Variants in GPC6 observed in about 807,000 individuals in gnomAD.
GPC6 encodes glypican 6, also known as glypican-6.
In GPC6, 14 loss-of-function variants were observed where a neutral mutation model predicts 55.2. The observed-to-expected ratio is 0.25, with a 90% CI of 0.17 to 0.40. The LOEUF is 0.40. GPC6 is among the 10% of genes least tolerant of loss of function. The pLI is 1.00. For synonymous variants in GPC6, 278 were observed against 259.6 expected (o/e 1.07, Z -0.68); for missense variants, 641 against 708.5 (o/e 0.90, Z 1.08).
At chr13:93,918,172 A>G (rs2140342308) in intron 3 of GPC6, among the ~76,000 whole-genome samples, 1 of 152,146 alleles carries the variant, frequency 6.6e-6, no homozygotes, top group African/African-American at 2.4e-5. Context: ...CTGATAGGCC[A>G]TCATAAGTTC....
At chr13:93,633,635 CAAATAAAT>C (rs10656000) in intron 2 of GPC6, among the ~76,000 whole-genome samples, 6,559 of 147,062 alleles carry the variant, frequency 0.045, 484 homozygotes, top group African/African-American at 0.15. Context: ...GACTCTGTCT[CAAATAAAT>C]AAATAAATAA....
rs115503997 is a variant in GPC6 at position 93,239,624 on chromosome 13, C to T, written c.160+12008C>T. 6.1e-3 allele frequency among the ~76,000 whole-genome samples: 913 copies of T among 149,972 alleles called. 17 individuals carry two copies. The highest frequency in any genetic ancestry group is 0.021 in the African/African-American group (863 of 40,944). On this transcript the variant is annotated intron_variant, in intron 1 of 8. Transcript: ENST00000377047. Reference sequence around the variant, plus strand: ...GATCTTTGTATTTTTTTTTCAGTTTCGGTTTTGTTTAGTTCTGGTCTGATA... The same window carrying T: ...GATCTTTGTATTTTTTTTTCAGTTTTGGTTTTGTTTAGTTCTGGTCTGATA...
intron 1 of GPC6, among the ~76,000 whole-genome samples, chr13:93,318,961 C>A (rs1281569280): frequency 6.6e-6 from 1 of 152,122 alleles, no homozygotes; most frequent in East Asian, 1.9e-4. Context: ...TCTATGGAGA[C>A]ATTGAACTTA....
At chr13:94,364,922 T>C (rs1262481643) in intron 6 of GPC6, among the ~76,000 whole-genome samples, 3 of 152,202 alleles carry the variant, frequency 2.0e-5, no homozygotes, top group Non-Finnish European at 4.4e-5. Context: ...TTACATGTCA[T>C]TTACAATTTC....
At chr13:93,886,517 A>G (rs751544050) in intron 3 of GPC6, among the ~76,000 whole-genome samples, 1 of 152,028 alleles carries the variant, frequency 6.6e-6, no homozygotes. Flanking sequence ...TCTGATCTTG[A>G]AAATTTTGGC....
intron 4 of GPC6, among the ~76,000 whole-genome samples, chr13:94,237,167 G>A (rs1282681579): frequency 6.6e-6 from 1 of 152,126 alleles, no homozygotes; most frequent in Non-Finnish European, 1.5e-5. Flanking sequence ...GTGAGCTGAG[G>A]TAGAAAAAGA....
chr13:94,395,860 A>G (rs770769996), intron 7 of GPC6, among the ~76,000 whole-genome samples: 13 of 152,182 alleles, frequency 8.5e-5, no homozygotes, highest in Non-Finnish European at 1.5e-4. Context: ...GTCAGACCCA[A>G]TCTTCATCAA....
At chr13:93,642,995 G>A (rs1023017558) in intron 2 of GPC6, among the ~76,000 whole-genome samples, 3 of 152,098 alleles carry the variant, frequency 2.0e-5, no homozygotes, top group African/African-American at 7.2e-5. Flanking sequence ...GATAAAACGT[G>A]TTTTCATTAC....
At chr13:93,584,227 G>T (rs545465253) in intron 2 of GPC6, among the ~76,000 whole-genome samples, 1 of 152,250 alleles carries the variant, frequency 6.6e-6, no homozygotes, top group South Asian at 2.1e-4. Context: ...GTGCTGTGAG[G>T]GTGGAAATAT....
intron 3 of GPC6, among the ~76,000 whole-genome samples, chr13:93,947,486 A>ATCTATAT: frequency 6.6e-6 from 1 of 152,246 alleles, no homozygotes; most frequent in Non-Finnish European, 1.5e-5. Flanking sequence ...GTTGATGGAT[A>ATCTATAT]GATACGCAAT....
At chr13:94,369,311 T>C (rs1419882594) in intron 6 of GPC6, among the ~76,000 whole-genome samples, 1 of 152,136 alleles carries the variant, frequency 6.6e-6, no homozygotes, top group Non-Finnish European at 1.5e-5. Context: ...AAATGGCAGG[T>C]GGCCTTCTCA....
chr13:94,084,003 T>C (rs1322774994), intron 4 of GPC6, among the ~76,000 whole-genome samples: 3 of 152,144 alleles, frequency 2.0e-5, no homozygotes, highest in Non-Finnish European at 4.4e-5. Flanking sequence ...CAAACGAAAA[T>C]GGCTTTCCCA....
At chr13:93,802,799 TG>T (rs1886419844) in intron 2 of GPC6, among the ~76,000 whole-genome samples, 4 of 152,156 alleles carry the variant, frequency 2.6e-5, no homozygotes, top group Non-Finnish European at 5.9e-5. Context: ...TAAATATATT[TG>T]AAGCAGACTA....
At chr13:93,260,801 T>A (rs1877119400) in intron 1 of GPC6, among the ~76,000 whole-genome samples, 1 of 152,134 alleles carries the variant, frequency 6.6e-6, no homozygotes, top group African/African-American at 2.4e-5. Flanking sequence ...AGGAATGTGC[T>A]TAGCAAACAG....
chr13:93,588,662 A>AGCAG (rs1486140125), intron 2 of GPC6, among the ~76,000 whole-genome samples: 1 of 152,118 alleles, frequency 6.6e-6, no homozygotes, highest in Admixed American at 6.6e-5. Context: ...ATCATGGTGG[A>AGCAG]GCAGGCATAT....
At chr13:94,250,578 A>G (rs1186028753) in intron 4 of GPC6, among the ~76,000 whole-genome samples, 4 of 152,296 alleles carry the variant, frequency 2.6e-5, no homozygotes, top group Middle Eastern at 3.4e-3. Context: ...AGCTCCCCAA[A>G]TATCCTTTTC....
At chr13:93,690,800 C>T (rs1309958849) in intron 2 of GPC6, among the ~76,000 whole-genome samples, 1 of 152,112 alleles carries the variant, frequency 6.6e-6, no homozygotes, top group African/African-American at 2.4e-5. Flanking sequence ...ATTGCAATTT[C>T]AGTTTTAATG....
At chr13:93,652,454 A>T (rs1880457790) in intron 2 of GPC6, among the ~76,000 whole-genome samples, 1 of 152,178 alleles carries the variant, frequency 6.6e-6, no homozygotes, top group African/African-American at 2.4e-5. Flanking sequence ...CATTCCACCA[A>T]ATTCAGCCAG....
chr13:93,280,534 A>T (rs908790486), intron 1 of GPC6, among the ~76,000 whole-genome samples: 2 of 152,270 alleles, frequency 1.3e-5, no homozygotes, highest in African/African-American at 4.8e-5. Flanking sequence ...CAGCTTATGT[A>T]TCTGTGAAAA....
Sources: allele counts gnomAD v4.1 joint callset (sites outside exome capture counted in the v4.1 genomes callset), GRCh38; gene constraint gnomAD v4.1.1; transcripts MANE v1.5; gene names NCBI Gene and HGNC (gene_info 2026-07-23, HGNC 2026-07-21).